SEMA3E: variants seen among roughly 807,000 people sequenced by gnomAD.
The protein encoded by SEMA3E is semaphorin 3E.
Under a neutral mutation model 93.6 loss-of-function variants are expected in SEMA3E, and 49 were observed. The observed-to-expected ratio is 0.52, with a 90% confidence interval of 0.42 to 0.66. SEMA3E has a LOEUF of 0.66. SEMA3E is among the 30% of genes least tolerant of loss of function. SEMA3E has a pLI of 0.00. For synonymous variants in SEMA3E, 363 were observed against 330.7 expected (o/e 1.10, Z -1.06); for missense variants, 906 against 964.8 (o/e 0.94, Z 0.81).
intron 1 of SEMA3E, among the ~76,000 whole-genome samples, chr7:83,596,663 G>T (rs999783049): frequency 2.6e-5 from 4 of 151,930 alleles, no homozygotes; most frequent in Non-Finnish European, 2.9e-5. Context: ...TTGCTTACCA[G>T]TCTCTCCGTA....
At chr7:83,449,841 A>G (rs1258982899) in intron 4 of SEMA3E, among the ~76,000 whole-genome samples, 1 of 152,214 alleles carries the variant, frequency 6.6e-6, no homozygotes, top group Non-Finnish European at 1.5e-5. Context: ...TAAACAGCAC[A>G]GAAGGGGGCC....
intron 2 of SEMA3E, among the ~76,000 whole-genome samples, chr7:83,476,928 T>C (rs1176302879): frequency 6.6e-6 from 1 of 152,162 alleles, no homozygotes; most frequent in African/African-American, 2.4e-5. Context: ...ATTTAATCAT[T>C]CCGCTGCACA....
chr7:83,458,656 T>C (rs2466440), intron 4 of SEMA3E, among the ~76,000 whole-genome samples: 78,448 of 151,396 alleles, frequency 0.52, 22,846 homozygotes, highest in East Asian at 0.87. Flanking sequence ...AAGTAAACTA[T>C]GCTGTGTATG....
At chr7:83,451,881 G>A (rs540517408) in intron 4 of SEMA3E, among the ~76,000 whole-genome samples, 59 of 152,272 alleles carry the variant, frequency 3.9e-4, no homozygotes, top group Middle Eastern at 3.4e-3. Context: ...AGTTTCTAAC[G>A]TCTGATCAAA....
In SEMA3E at chr7:83,365,854, C is replaced by T. The variant is rs968409874; in HGVS notation, c.*1732G>A. Reference sequence around the variant, plus strand: ...GTGATCTGTGTTTGTGGTTCTATTTCTCCAAATTGAGCAGGCTTTTACTGA... The same window carrying T: ...GTGATCTGTGTTTGTGGTTCTATTTTTCCAAATTGAGCAGGCTTTTACTGA... On this transcript the variant is annotated 3_prime_UTR_variant, in exon 17 of 17. Coordinates refer to ENST00000643230, the MANE Select transcript of SEMA3E (RefSeq NM_012431.3). The T allele has an allele frequency of 2.0e-5, 3 of 152,090 alleles. No homozygotes were observed. In the South Asian group the frequency reaches 6.2e-4, roughly 31 times the overall value. The allele number at this position is 152,090 out of a possible 1,614,324, so 9.4% of individuals were successfully genotyped here.
chr7:83,417,028 G>C (rs931918983), intron 5 of SEMA3E, among the ~76,000 whole-genome samples: 56 of 151,062 alleles, frequency 3.7e-4, no homozygotes, highest in African/African-American at 1.1e-3. Context: ...GAGAGAGAGA[G>C]AGAGAGAGAA....
At chr7:83,634,482 C>T (rs972089076) in intron 1 of SEMA3E, among the ~76,000 whole-genome samples, 1 of 151,872 alleles carries the variant, frequency 6.6e-6, no homozygotes, top group African/African-American at 2.4e-5. Flanking sequence ...AAACATTTGG[C>T]AAAAAAATCT....
At chr7:83,500,304 C>T (rs117262112) in intron 1 of SEMA3E, among the ~76,000 whole-genome samples, 3,156 of 152,136 alleles carry the variant, frequency 0.021, 55 homozygotes, top group South Asian at 0.087. Context: ...GGGATCGTGG[C>T]AGGCACCTGC....
chr7:83,432,639 T>C (rs1403394627), intron 4 of SEMA3E, among the ~76,000 whole-genome samples: 1 of 152,168 alleles, frequency 6.6e-6, no homozygotes. Flanking sequence ...GACATAGGTA[T>C]CGAAAGTTAG....
chr7:83,642,028 A>G (rs1794018412), intron 1 of SEMA3E, among the ~76,000 whole-genome samples: 1 of 152,162 alleles, frequency 6.6e-6, no homozygotes, highest in Admixed American at 6.5e-5. Context: ...GCCTCATCCA[A>G]AGTCTAGGGG....
At chr7:83,403,226 TAAGTTTCTTA>T (rs1439116133) in intron 9 of SEMA3E, among the ~76,000 whole-genome samples, 19 of 152,012 alleles carry the variant, frequency 1.2e-4, no homozygotes, top group African/African-American at 4.6e-4. Flanking sequence ...TAAGATGTAT[TAAGTTTCTTA>T]ATGTATATGA....
At chr7:83,588,349 C>G (rs1423357581) in intron 1 of SEMA3E, among the ~76,000 whole-genome samples, 2 of 151,812 alleles carry the variant, frequency 1.3e-5, no homozygotes, top group East Asian at 3.9e-4. Context: ...CCACTGCACT[C>G]CAGCCTGGTG....
At chr7:83,537,011 TTC>T (rs1039142535) in intron 1 of SEMA3E, among the ~76,000 whole-genome samples, 4 of 151,862 alleles carry the variant, frequency 2.6e-5, no homozygotes, top group African/African-American at 9.7e-5. Context: ...AAAAAAATCT[TTC>T]TCTGTCTCTC....
chr7:83,607,326 C>T (rs1402407844), intron 1 of SEMA3E, among the ~76,000 whole-genome samples: 1 of 152,128 alleles, frequency 6.6e-6, no homozygotes, highest in African/African-American at 2.4e-5. Context: ...GTCGTGTTAT[C>T]AGCCTAACTA....
chr7:83,449,689 A>G (rs1789313619), intron 4 of SEMA3E, among the ~76,000 whole-genome samples: 1 of 152,192 alleles, frequency 6.6e-6, no homozygotes, highest in Non-Finnish European at 1.5e-5. Flanking sequence ...GTTAAATATC[A>G]TAATCAGAAA....
At chr7:83,539,855 CTGTG>C (rs59200828) in intron 1 of SEMA3E, among the ~76,000 whole-genome samples, 62 of 122,750 alleles carry the variant, frequency 5.1e-4, no homozygotes, top group East Asian at 3.2e-3. Context: ...TTTGTTGTTT[CTGTG>C]TGTGTGTGTG....
intron 16 of SEMA3E, among the ~76,000 whole-genome samples, chr7:83,374,478 GA>G (rs1451806003): frequency 1.3e-5 from 2 of 151,876 alleles, no homozygotes; most frequent in African/African-American, 2.4e-5. Context: ...GTTATTTGCA[GA>G]GATGACTGTC....
intron 5 of SEMA3E, among the ~76,000 whole-genome samples, chr7:83,411,389 T>G (rs1788436611): frequency 6.6e-6 from 1 of 152,108 alleles, no homozygotes; most frequent in Non-Finnish European, 1.5e-5. Context: ...GCAACGTAAA[T>G]AGAAACAAAT....
intron 12 of SEMA3E, 32 bp downstream of exon 12, chr7:83,396,606 T>C: frequency 7.4e-7 from 1 of 1,351,360 alleles, no homozygotes; most frequent in Non-Finnish European, 1.1e-6. Context: ...TTGTAATGCA[T>C]AAATTTGGTC....
Sources: allele counts gnomAD v4.1 joint callset (sites outside exome capture counted in the v4.1 genomes callset), GRCh38; gene constraint gnomAD v4.1.1; transcripts MANE v1.5; gene names NCBI Gene and HGNC (gene_info 2026-07-23, HGNC 2026-07-21).